TENT2: variants seen among roughly 807,000 people sequenced by gnomAD.
The protein encoded by TENT2 is terminal nucleotidyltransferase 2, also known as poly(A) RNA polymerase GLD2.
A neutral mutation model predicts 72.2 loss-of-function variants in TENT2; 44 were observed. The ratio of observed to expected loss-of-function variants is 0.61; its 90% CI spans 0.48 to 0.78. The LOEUF (loss-of-function observed/expected upper bound fraction) is 0.78, where lower values mean the gene tolerates loss of function less well. Among genes scored for constraint, TENT2 ranks in the 30% least tolerant of loss-of-function variants. The pLI is 0.00. For missense variants in TENT2, 541 were observed against 569.6 expected (o/e 0.95, Z 0.51); for synonymous variants, 212 against 192.5 (o/e 1.10, Z -0.84).
chr5:79,658,949 T>C lies in TENT2; in HGVS notation c.1071+1948T>C, dbSNP rs577012802. Among the ~76,000 whole-genome samples, 29 of 152,286 alleles carry C rather than the reference T, an allele frequency of 1.9e-4. 1 individual carries two copies. The South Asian group carries it at 6.0e-3, about 32-fold the overall frequency. The stretch of plus-strand genomic sequence containing the variant: ...TCCATCTGTTTTGCTTGTAAGCTTA[T>C]TTCTATACCTGTAATGGGGAAATAG... On this transcript the variant is annotated intron_variant, in intron 11 of 14. Transcript: ENST00000453514.
intron 11 of TENT2, among the ~76,000 whole-genome samples, chr5:79,668,082 A>C (rs1028373462): frequency 1.3e-5 from 2 of 152,094 alleles, no homozygotes; most frequent in African/African-American, 2.4e-5. Flanking sequence ...TTGATAGTAC[A>C]TTTAGTATAT....
chr5:79,659,262 T>C (rs1034238826), intron 11 of TENT2, among the ~76,000 whole-genome samples: 1 of 151,390 alleles, frequency 6.6e-6, no homozygotes, highest in Non-Finnish European at 1.5e-5. Flanking sequence ...CATCCGGGCG[T>C]GGTGGCTCAC....
intron 10 of TENT2, among the ~76,000 whole-genome samples, chr5:79,654,486 A>G (rs916425007): frequency 3.3e-5 from 5 of 152,140 alleles, no homozygotes; most frequent in African/African-American, 1.2e-4. Context: ...AAATAATAAC[A>G]TTAATGAATA....
intron 3 of TENT2, among the ~76,000 whole-genome samples, chr5:79,620,958 T>C (rs1407423933): frequency 2.6e-5 from 4 of 152,338 alleles, no homozygotes; most frequent in Admixed American, 2.6e-4. Context: ...AAGAAATTCA[T>C]TTATTTAAAA....
At chr5:79,663,750 G>A (rs1265894121) in intron 11 of TENT2, among the ~76,000 whole-genome samples, 4 of 152,150 alleles carry the variant, frequency 2.6e-5, no homozygotes, top group Non-Finnish European at 5.9e-5. Context: ...AATTACCAGA[G>A]TGGAACACAG....
At chr5:79,682,089 A>C in intron 14 of TENT2, 28 bp downstream of exon 14, 1 of 1,526,000 alleles carries the variant, frequency 6.6e-7, no homozygotes, top group Non-Finnish European at 9.0e-7. Context: ...TCAACCCTAG[A>C]AACATTAGTA....
intron 12 of TENT2, among the ~76,000 whole-genome samples, chr5:79,675,180 T>A (rs915297125): frequency 6.6e-6 from 1 of 152,210 alleles, no homozygotes; most frequent in Non-Finnish European, 1.5e-5. Flanking sequence ...GAAAAATTGA[T>A]GATACCAGAG....
chr5:79,652,833 A>ATTACTTTATAATATATG (rs1795183522), intron 10 of TENT2, among the ~76,000 whole-genome samples: 2 of 152,030 alleles, frequency 1.3e-5, no homozygotes, highest in Non-Finnish European at 2.9e-5. Flanking sequence ...TTGAACATAT[A>ATTACTTTATAATATATG]TTACTTTATA....
At chr5:79,674,146 G>A (rs1362002331) in intron 12 of TENT2, among the ~76,000 whole-genome samples, 1 of 152,170 alleles carries the variant, frequency 6.6e-6, no homozygotes, top group Non-Finnish European at 1.5e-5. Flanking sequence ...CACTTTGGGA[G>A]GTCGAGGCAG....
chr5:79,659,568 A>T (rs866579561), intron 11 of TENT2, among the ~76,000 whole-genome samples: 1 of 107,914 alleles, frequency 9.3e-6, no homozygotes, highest in African/African-American at 3.9e-5. Context: ...ATATATATAT[A>T]TATATATATA....
chr5:79,619,719 C>T lies in TENT2; in HGVS notation c.71C>T (p.Thr24Ile). The T allele has an allele frequency of 1.9e-6, 3 of 1,613,868 alleles. No individual in the cohort carries two copies. The highest frequency in any genetic ancestry group is 2.2e-5 in the East Asian group (1 of 44,854). Residue 24 changes from threonine to isoleucine, a missense_variant, in exon 2 of 15, where the codon ACC (threonine) becomes ATC (isoleucine). Thr to Ile is a moderately conservative substitution (Grantham distance 89, BLOSUM62 -1). Transcript: ENST00000453514. ...PNHQQHNNFF[T>I]LSPTVYSHQQ... ...CATCAACAACATAATAACTTCTTTA[C>T]CCTGTCACCTACTGTTTATTCACAC...
At chr5:79,672,505 T>C (rs953737710) in intron 12 of TENT2, among the ~76,000 whole-genome samples, 3 of 152,216 alleles carry the variant, frequency 2.0e-5, no homozygotes, top group South Asian at 2.1e-4. Context: ...TAGTCTCTTA[T>C]CTCCATGAGT....
chr5:79,629,312 A>G (rs1227369521), intron 4 of TENT2, among the ~76,000 whole-genome samples: 2 of 152,234 alleles, frequency 1.3e-5, no homozygotes. Context: ...TATTGACAGT[A>G]TATGTTTGGA....
intron 4 of TENT2, among the ~76,000 whole-genome samples, chr5:79,630,188 G>C (rs1003837924): frequency 6.6e-6 from 1 of 152,108 alleles, no homozygotes. Flanking sequence ...TATAAATGCT[G>C]TGCAGGAAAT....
rs1416999537 is a variant in TENT2 at position 79,640,492 on chromosome 5, ATTTG to A, written c.466-351_466-348del. 5.3e-5 allele frequency among the ~76,000 whole-genome samples: 8 copies of A among 152,118 alleles called. No individual in the cohort carries two copies. In the East Asian group the frequency reaches 9.7e-4, roughly 18 times the overall value. On this transcript the variant is annotated intron_variant, in intron 4 of 14. Transcript: ENST00000453514. ...CACATATTGTTTGTTGCATATTTTT[ATTTG>A]TTTGTTTTCATAATCCTTTAAAAAT...
chr5:79,678,562 A>T (rs1207863045), intron 12 of TENT2, among the ~76,000 whole-genome samples: 1 of 152,222 alleles, frequency 6.6e-6, no homozygotes, highest in Non-Finnish European at 1.5e-5. Flanking sequence ...TTTTAAAAAA[A>T]TGTAAAGTTA....
intron 10 of TENT2, among the ~76,000 whole-genome samples, chr5:79,652,887 TA>T (rs1029651809): frequency 1.3e-5 from 2 of 152,004 alleles, no homozygotes; most frequent in African/African-American, 4.8e-5. Flanking sequence ...ACTCTTAACA[TA>T]TTTTTTTCAG....
At chr5:79,673,114 A>ATCT (rs1201137352) in intron 12 of TENT2, among the ~76,000 whole-genome samples, 1 of 152,086 alleles carries the variant, frequency 6.6e-6, no homozygotes, top group Non-Finnish European at 1.5e-5. Context: ...GTCTGTTGAG[A>ATCT]TCTTCTGTCC....
At position 79,612,558 on chromosome 5, in the gene TENT2, C is replaced by G. The variant is rs1185281841; in HGVS notation, c.-555C>G. ...CCCCCAACCTTCTATATCCTTGCAG[C>G]CCCTACCTTTTCTTGTGTTGCTCCT... On this transcript the variant is annotated 5_prime_UTR_variant, in exon 1 of 15. Coordinates refer to ENST00000453514, the MANE Select transcript of TENT2 (RefSeq NM_001114394.3). The G allele has an allele frequency of 6.5e-6, 1 of 153,038 alleles. No individual in the cohort carries two copies. Among genetic ancestry groups the G allele is most frequent in the Non-Finnish European group, 1.5e-5 (1 of 68,380 alleles). 9.5% of individuals were successfully genotyped at this position (153,038 alleles called of 1,614,324 possible). A position where few individuals can be genotyped will look rare whatever the true frequency, so the allele number is the denominator to read the frequency against.
Sources: allele counts gnomAD v4.1 joint callset (sites outside exome capture counted in the v4.1 genomes callset), GRCh38; gene constraint gnomAD v4.1.1; transcripts MANE v1.5; gene names NCBI Gene and HGNC (gene_info 2026-07-23, HGNC 2026-07-21).